PTPRD: variants seen among roughly 807,000 people sequenced by gnomAD.
PTPRD encodes protein tyrosine phosphatase receptor type D.
In PTPRD, 34 loss-of-function variants were observed where a neutral mutation model predicts 214.5. That is an observed-to-expected ratio of 0.16 (90% confidence interval 0.12 to 0.21). The LOEUF (loss-of-function observed/expected upper bound fraction) is 0.21. Among genes scored for constraint, PTPRD ranks in the 10% least tolerant of loss-of-function variants. PTPRD has a pLI of 1.00. For missense variants in PTPRD, 2,545 were observed against 2,398.7 expected (o/e 1.06, Z -1.27); for synonymous variants, 1,128 against 845.7 (o/e 1.33, Z -5.79).
chr9:9,838,810 C>A (rs1054199794), intron 5 of PTPRD, among the ~76,000 whole-genome samples: 1 of 152,034 alleles, frequency 6.6e-6, no homozygotes, highest in East Asian at 1.9e-4. Flanking sequence ...GTTGCCATTG[C>A]TTTTGGTGTT....
chr9:10,479,839 G>A (rs111294832), intron 2 of PTPRD, among the ~76,000 whole-genome samples: 13 of 151,762 alleles, frequency 8.6e-5, no homozygotes, highest in Admixed American at 5.3e-4. Context: ...AACAAACCGC[G>A]GAGCTGTGGT....
chr9:9,010,284 C>T (rs1264717146), intron 11 of PTPRD, among the ~76,000 whole-genome samples: 1 of 152,136 alleles, frequency 6.6e-6, no homozygotes, highest in African/African-American at 2.4e-5. Context: ...AGACTATGAA[C>T]AAAAGTTAGA....
intron 5 of PTPRD, among the ~76,000 whole-genome samples, chr9:9,830,945 T>C (rs904501727): frequency 6.6e-6 from 1 of 151,956 alleles, no homozygotes; most frequent in Non-Finnish European, 1.5e-5. Context: ...CCCTCAAGAA[T>C]ATGCAAGAAC....
intron 10 of PTPRD, among the ~76,000 whole-genome samples, chr9:9,157,653 A>G (rs1236522412): frequency 6.6e-6 from 1 of 152,180 alleles, no homozygotes; most frequent in Non-Finnish European, 1.5e-5. Flanking sequence ...GAAGCCCAGG[A>G]CCAGATGGCT....
At chr9:9,786,732 C>A (rs746985911) in intron 5 of PTPRD, among the ~76,000 whole-genome samples, 3 of 152,088 alleles carry the variant, frequency 2.0e-5, no homozygotes, top group Non-Finnish European at 4.4e-5. Flanking sequence ...CGTAACAAAC[C>A]TGCATGTTGT....
chr9:9,091,638 G>C lies in PTPRD; in HGVS notation c.-142-72903C>G, dbSNP rs73395837. On this transcript the variant is annotated intron_variant, in intron 10 of 45. Coordinates refer to ENST00000381196, the MANE Select transcript of PTPRD (RefSeq NM_002839.4). ...TAAGTATTTGTGGAATGAGAAGTAA[G>C]TGAACAGTCACAGAGAATGACTTGG... 5.2e-3 allele frequency among the ~76,000 whole-genome samples: 792 copies of C among 152,328 alleles called. 7 individuals are homozygous for C. Among genetic ancestry groups the C allele is most frequent in the African/African-American group, 0.016 (686 of 41,580 alleles).
At chr9:10,361,468 C>T (rs1302932310) in intron 2 of PTPRD, among the ~76,000 whole-genome samples, 1 of 152,020 alleles carries the variant, frequency 6.6e-6, no homozygotes, top group Non-Finnish European at 1.5e-5. Context: ...CTTTGAGTAG[C>T]AGAGTGGACA....
chr9:8,967,332 AT>A, intron 11 of PTPRD, among the ~76,000 whole-genome samples: 2 of 152,254 alleles, frequency 1.3e-5, no homozygotes, highest in Non-Finnish European at 2.9e-5. Flanking sequence ...ATCCTACTAA[AT>A]GGAAAGAAAT....
intron 11 of PTPRD, among the ~76,000 whole-genome samples, chr9:8,784,479 G>C (rs934386080): frequency 7.2e-5 from 11 of 152,124 alleles, no homozygotes; most frequent in African/African-American, 9.7e-5. Context: ...AAGGATCCTG[G>C]CATAGAGAAG....
intron 6 of PTPRD, among the ~76,000 whole-genome samples, chr9:9,742,355 G>A (rs1746811): frequency 0.48 from 72,705 of 151,314 alleles, 20,420 homozygotes; most frequent in African/African-American, 0.78. Flanking sequence ...CATGTAAAAA[G>A]AAATGTGACC....
At chr9:10,108,524 A>C (rs754330127) in intron 3 of PTPRD, among the ~76,000 whole-genome samples, 1 of 151,980 alleles carries the variant, frequency 6.6e-6, no homozygotes, top group Non-Finnish European at 1.5e-5. Context: ...TGCTTCTATA[A>C]ATTTGAACTT....
At chr9:8,462,299 TC>T (rs944986739) in intron 32 of PTPRD, among the ~76,000 whole-genome samples, 20 of 151,886 alleles carry the variant, frequency 1.3e-4, no homozygotes, top group African/African-American at 4.8e-4. Flanking sequence ...CTAATCAGTG[TC>T]CCCCAGGTCC....
At chr9:10,247,041 A>G (rs543442776) in intron 3 of PTPRD, among the ~76,000 whole-genome samples, 2 of 152,182 alleles carry the variant, frequency 1.3e-5, no homozygotes, top group African/African-American at 2.4e-5. Flanking sequence ...CAGAATTGCT[A>G]TAGGGTCAAA....
chr9:9,230,468 C>G (rs1432243806), intron 9 of PTPRD, among the ~76,000 whole-genome samples: 1 of 152,052 alleles, frequency 6.6e-6, no homozygotes, highest in East Asian at 1.9e-4. Flanking sequence ...ATTATCACAC[C>G]TGAGAATAGG....
Position 8,726,591 on chromosome 9 carries a change from ATATATAT to A in PTPRD, c.64+7182_64+7188del, listed in dbSNP as rs2098569233. Among the ~76,000 whole-genome samples the A allele has an allele frequency of 1.7e-3, 20 of 11,634 alleles. 5 individuals are homozygous for A. The highest frequency in any genetic ancestry group is 8.6e-3 in the African/African-American group (17 of 1,970). The allele number at this position is 11,634 out of a possible 152,430, so 7.6% of individuals were successfully genotyped here. A position where few individuals can be genotyped will look rare whatever the true frequency, so the allele number is the denominator to read the frequency against. On this transcript the variant is annotated intron_variant, in intron 12 of 45. Coordinates refer to ENST00000381196, the MANE Select transcript of PTPRD (RefSeq NM_002839.4). The stretch of plus-strand genomic sequence containing the variant: ...TACTAAAAAAAAAAAAAAAAAAAAT[ATATATAT>A]ATATATATATATATATATATATATA...
At chr9:9,591,595 G>A (rs1791992726) in intron 7 of PTPRD, among the ~76,000 whole-genome samples, 1 of 152,014 alleles carries the variant, frequency 6.6e-6, no homozygotes, top group African/African-American at 2.4e-5. Flanking sequence ...GGCAACTTAA[G>A]AAAACACAAA....
chr9:8,970,893 A>C (rs529734580), intron 11 of PTPRD, among the ~76,000 whole-genome samples: 8 of 126,220 alleles, frequency 6.3e-5, no homozygotes, highest in African/African-American at 2.1e-4. Context: ...CATTTTACAA[A>C]ACAAAACAAA....
chr9:9,142,510 A>C (rs975911100), intron 10 of PTPRD, among the ~76,000 whole-genome samples: 1 of 152,206 alleles, frequency 6.6e-6, no homozygotes, highest in Non-Finnish European at 1.5e-5. Context: ...AATTCTTAGA[A>C]ATTTTGCCAA....
chr9:10,169,798 C>A (rs1212537031), intron 3 of PTPRD, among the ~76,000 whole-genome samples: 1 of 152,088 alleles, frequency 6.6e-6, no homozygotes, highest in East Asian at 1.9e-4. Context: ...CTATAATTCC[C>A]AGTTTTCAAC....
Sources: gnomAD v4.1 joint callset for allele counts (sites outside exome capture counted in the v4.1 genomes callset) on GRCh38, gnomAD v4.1.1 for gene constraint, MANE v1.5 for transcripts, NCBI Gene and HGNC (gene_info 2026-07-23, HGNC 2026-07-21) for gene names.